ADCK1: variants seen among roughly 807,000 people sequenced by gnomAD.
ADCK1 encodes aarF domain containing kinase 1, also known as aarF domain-containing protein kinase 1.
In ADCK1, 41 loss-of-function variants were observed where a neutral mutation model predicts 52.3. The ratio of observed to expected loss-of-function variants is 0.78; its 90% CI spans 0.61 to 1.02. The LOEUF (loss-of-function observed/expected upper bound fraction) is 1.02. ADCK1 is among the 50% of genes least tolerant of loss of function. The pLI, the probability that ADCK1 is intolerant of heterozygous loss-of-function variation, is 0.00. For missense variants in ADCK1, 658 were observed against 679.5 expected (o/e 0.97, Z 0.35); for synonymous variants, 250 against 274.6 (o/e 0.91, Z 0.89).
chr14:77,831,204 C>T (rs2081841526), intron 3 of ADCK1, among the ~76,000 whole-genome samples: 1 of 152,132 alleles, frequency 6.6e-6, no homozygotes. Context: ...AAGCAGATCC[C>T]AAACAGAGAG....
At chr14:77,911,613 C>A (rs1468801537) in intron 7 of ADCK1, among the ~76,000 whole-genome samples, 2 of 152,112 alleles carry the variant, frequency 1.3e-5, no homozygotes, top group African/African-American at 4.8e-5. Flanking sequence ...AGTTAATGCA[C>A]AAACAATGCT....
intron 7 of ADCK1, among the ~76,000 whole-genome samples, chr14:77,910,830 T>C (rs886321208): frequency 1.3e-5 from 2 of 152,242 alleles, no homozygotes; most frequent in Admixed American, 6.5e-5. Context: ...CTCTGAGGAC[T>C]GGTCTCATCT....
At chr14:77,816,730 G>A (rs1017046775) in intron 1 of ADCK1, among the ~76,000 whole-genome samples, 2 of 151,768 alleles carry the variant, frequency 1.3e-5, no homozygotes, top group African/African-American at 4.8e-5. Context: ...CAAAGAAGGG[G>A]TTGTGGGAAC....
intron 3 of ADCK1, among the ~76,000 whole-genome samples, chr14:77,842,570 T>C (rs933509479): frequency 6.6e-6 from 1 of 151,126 alleles, no homozygotes. Flanking sequence ...TTTTTTTTTG[T>C]TTGTTTGTGA....
At chr14:77,925,108 C>A (rs748974372) in intron 8 of ADCK1, among the ~76,000 whole-genome samples, 8 of 152,232 alleles carry the variant, frequency 5.3e-5, no homozygotes, top group Admixed American at 6.5e-5. Context: ...AAGTTCACTG[C>A]CAATCTGGGC....
Position 77,866,568 on chromosome 14 carries a change from T to C in ADCK1, c.423+7289T>C, listed in dbSNP as rs551382249. Among the ~76,000 whole-genome samples, 8 of 152,278 alleles carry C rather than the reference T, an allele frequency of 5.3e-5. No homozygotes were observed. In the South Asian group the frequency reaches 1.4e-3, roughly 28 times the overall value. The stretch of plus-strand genomic sequence containing the variant: ...TCCCAAGGCCCTTTGGCAGCTCTCC[T>C]CTGGATTAGGGACTCTGAAGTATGT... On this transcript the variant is annotated intron_variant, in intron 4 of 10. Transcript: ENST00000238561.
chr14:77,832,263 G>A (rs2081871240), intron 3 of ADCK1, among the ~76,000 whole-genome samples: 1 of 152,194 alleles, frequency 6.6e-6, no homozygotes, highest in African/African-American at 2.4e-5. Flanking sequence ...GATTATAGGC[G>A]TGAGCCACCG....
intron 2 of ADCK1, among the ~76,000 whole-genome samples, chr14:77,820,723 C>T (rs886373647): frequency 6.6e-5 from 10 of 150,384 alleles, no homozygotes; most frequent in Non-Finnish European, 1.0e-4. Context: ...AAAAACAATC[C>T]AAATCCATGC....
At chr14:77,817,988 T>A (rs1297634214) in intron 1 of ADCK1, among the ~76,000 whole-genome samples, 3 of 151,946 alleles carry the variant, frequency 2.0e-5, no homozygotes, top group Non-Finnish European at 4.4e-5. Flanking sequence ...TCTGCCCGCC[T>A]TGGCCTCCCA....
chr14:77,905,217 G>A (rs1236942708), intron 6 of ADCK1, among the ~76,000 whole-genome samples: 3 of 151,512 alleles, frequency 2.0e-5, no homozygotes, highest in African/African-American at 4.9e-5. Flanking sequence ...GGGGGAAACC[G>A]CAGTACACCC....
chr14:77,840,704 C>G (rs1387892603), intron 3 of ADCK1, among the ~76,000 whole-genome samples: 2 of 151,836 alleles, frequency 1.3e-5, no homozygotes, highest in Non-Finnish European at 2.9e-5. Flanking sequence ...AAAAATTAAC[C>G]AAGCATGGTG....
At chr14:77,868,414 T>A (rs1020657393) in intron 4 of ADCK1, among the ~76,000 whole-genome samples, 2 of 152,208 alleles carry the variant, frequency 1.3e-5, no homozygotes, top group Non-Finnish European at 2.9e-5. Context: ...AGCCACCCAG[T>A]GGGCCTCCGT....
intron 4 of ADCK1, among the ~76,000 whole-genome samples, chr14:77,865,838 A>G (rs2082649773): frequency 6.6e-6 from 1 of 152,218 alleles, no homozygotes. Context: ...TGAGTTAATG[A>G]TTGTGGAGCA....
chr14:77,912,311 C>G (rs1160098025), intron 7 of ADCK1, among the ~76,000 whole-genome samples: 1 of 152,176 alleles, frequency 6.6e-6, no homozygotes, highest in Admixed American at 6.5e-5. Flanking sequence ...GCTCTAAGTA[C>G]TGTCACTTAC....
At chr14:77,834,609 C>T (rs148504317) in intron 3 of ADCK1, among the ~76,000 whole-genome samples, 2 of 152,338 alleles carry the variant, frequency 1.3e-5, no homozygotes, top group Non-Finnish European at 2.9e-5. Context: ...AACAAAACAA[C>T]CCCCTGGGTT....
chr14:77,925,116 G>C (rs1248982296), intron 8 of ADCK1, among the ~76,000 whole-genome samples: 2 of 152,196 alleles, frequency 1.3e-5, no homozygotes, highest in African/African-American at 4.8e-5. Context: ...TGCCAATCTG[G>C]GCCCCAGGGG....
intron 5 of ADCK1, among the ~76,000 whole-genome samples, chr14:77,896,856 G>T (rs767845073): frequency 2.0e-5 from 3 of 152,184 alleles, no homozygotes; most frequent in Non-Finnish European, 4.4e-5. Flanking sequence ...GTAATTAAAA[G>T]AAGTTTTGGT....
At chr14:77,925,372 G>A (rs3783954) in intron 8 of ADCK1, among the ~76,000 whole-genome samples, 47,415 of 151,948 alleles carry the variant, frequency 0.31, 7,544 homozygotes, top group African/African-American at 0.37. Flanking sequence ...GGCAGCTGGC[G>A]GCAGGGTGAG....
At chr14:77,918,609 G>C (rs1209912430) in intron 7 of ADCK1, among the ~76,000 whole-genome samples, 1 of 152,170 alleles carries the variant, frequency 6.6e-6, no homozygotes, top group Non-Finnish European at 1.5e-5. Context: ...CCTCTGAGTA[G>C]GAGGGGGCTG....
Sources: allele counts gnomAD v4.1 joint callset (sites outside exome capture counted in the v4.1 genomes callset), GRCh38; gene constraint gnomAD v4.1.1; transcripts MANE v1.5; gene names NCBI Gene and HGNC (gene_info 2026-07-23, HGNC 2026-07-21).